Variants in MYCBP2 observed in about 807,000 individuals in gnomAD.
The protein encoded by MYCBP2 is MYC binding protein 2.
MYCBP2 carries 120 observed loss-of-function variants against 525.3 expected under a neutral mutation model. The observed-to-expected ratio is 0.23, with a 90% CI of 0.20 to 0.27. MYCBP2 has a LOEUF of 0.27. MYCBP2 is among the 10% of genes least tolerant of loss of function. MYCBP2 has a pLI of 1.00. For synonymous variants in MYCBP2, 1,894 were observed against 1,955.8 expected (o/e 0.97, Z 0.83); for missense variants, 4,149 against 5,657.1 (o/e 0.73, Z 8.55).
Position 77,326,935 on chromosome 13 carries a change from CCTT to C in MYCBP2, c.-163_-161del, listed in dbSNP as rs2082392670. ...AAGACAGCGACCTCCTTCTCCTCCTCCTTCTTCTCCTCCTCCCCCCCGCGCCGC... is the reference window on the plus strand; with the variant it reads ...AAGACAGCGACCTCCTTCTCCTCCTCCTTCTCCTCCTCCCCCCCGCGCCGC... On this transcript the variant is annotated 5_prime_UTR_variant, in exon 1 of 83. Transcript: ENST00000544440. This position sits in a 1 kb window ranked among gnomAD's most constrained non-coding sequence, Gnocchi z 4.2. 1 of 577,290 alleles carries C rather than the reference CCTT, an allele frequency of 1.7e-6. No homozygotes were observed. The allele number at this position is 577,290 out of a possible 1,614,324, so 35.8% of individuals were successfully genotyped here. A position where few individuals can be genotyped will look rare whatever the true frequency, so the allele number is the denominator to read the frequency against.
chr13:77,061,325 G>A (rs780220685), intron 75 of MYCBP2, 24 bp from the exon 76 acceptor site: 2 of 1,562,272 alleles, frequency 1.3e-6, no homozygotes, highest in East Asian at 2.3e-5. Context: ...AAAGAACAGG[G>A]AAAAATATGC....
At chr13:77,167,006 CACACACACACACACACACA>C (rs2058615275) in intron 40 of MYCBP2, among the ~76,000 whole-genome samples, 1 of 150,952 alleles carries the variant, frequency 6.6e-6, no homozygotes, top group African/African-American at 2.4e-5. Flanking sequence ...CACACACACA[CACACACACACACACACACA>C]CCAAATGAAA....
chr13:77,147,084 C>A (rs1216773447), intron 47 of MYCBP2, among the ~76,000 whole-genome samples: 2 of 152,040 alleles, frequency 1.3e-5, no homozygotes, highest in Admixed American at 6.6e-5. Flanking sequence ...TCAAAAACAA[C>A]ATTAAGCAAA....
chr13:77,249,899 C>G (rs1196350924), intron 15 of MYCBP2, among the ~76,000 whole-genome samples: 1 of 152,160 alleles, frequency 6.6e-6, no homozygotes. Flanking sequence ...GACTTTATTG[C>G]TTATACTAAT....
At chr13:77,261,827 A>T (rs1171840399) in intron 11 of MYCBP2, among the ~76,000 whole-genome samples, 1 of 152,126 alleles carries the variant, frequency 6.6e-6, no homozygotes, top group Non-Finnish European at 1.5e-5. Flanking sequence ...AATTTGTAAA[A>T]AGAGCAATTA....
At chr13:77,125,551 C>G (rs1485416611) in intron 53 of MYCBP2, 83 bp from the exon 54 acceptor site, 1 of 1,471,184 alleles carries the variant, frequency 6.8e-7, no homozygotes, top group African/African-American at 1.4e-5. Context: ...TCTTACGTGT[C>G]TGAATAGTGT....
At chr13:77,069,436 T>C (rs1278867338) in intron 69 of MYCBP2, among the ~76,000 whole-genome samples, 49 of 128,980 alleles carry the variant, frequency 3.8e-4, no homozygotes, top group African/African-American at 7.7e-4. Context: ...TCCTGGCTAA[T>C]ATGGTGAAAT....
At chr13:77,244,444 G>A (rs1382314454) in intron 15 of MYCBP2, among the ~76,000 whole-genome samples, 1 of 152,130 alleles carries the variant, frequency 6.6e-6, no homozygotes, top group Non-Finnish European at 1.5e-5. Context: ...AATGGTGCTG[G>A]GAAAACTGGC....
chr13:77,060,086 C>T, intron 76 of MYCBP2, among the ~76,000 whole-genome samples: 1 of 152,012 alleles, frequency 6.6e-6, no homozygotes, highest in East Asian at 1.9e-4. Flanking sequence ...GAATTCCTAC[C>T]TCAGGAACTC....
At chr13:77,260,375 A>C (rs575801044) in intron 13 of MYCBP2, 53 bp downstream of exon 13, 4 of 1,297,514 alleles carry the variant, frequency 3.1e-6, no homozygotes, top group Non-Finnish European at 4.2e-6. Flanking sequence ...TTTGTCATAC[A>C]TAACTAGTAT....
Position 77,055,587 on chromosome 13 carries a change from C to A in MYCBP2, c.13618G>T (p.Ala4540Ser), listed in dbSNP as rs2037792306. ...DPAGYAMNRYAYYVCYKCRKA... is the reference protein window; with the variant it reads ...DPAGYAMNRYSYYVCYKCRKA... The stretch of plus-strand genomic sequence containing the variant: ...CTGCATTTGTAGCACACATAATATG[C>A]ATATCTATTCATTGCATAGCCAGCT... The change falls in exon 80 of 83, where the codon GCA (alanine) becomes TCA (serine). Residue 4540 changes from alanine (A) to serine (S), a missense_variant. Physicochemically the swap from Ala to Ser is moderately conservative, Grantham distance 99 (BLOSUM62 1). Around this residue, in one of 21 missense-constraint regions of MYCBP2, gnomAD observed 4 missense variants for 23.0 expected, o/e 0.17. Transcript: ENST00000544440. The A allele has an allele frequency of 6.2e-7, 1 of 1,613,800 alleles. No homozygotes were observed. Among genetic ancestry groups the A allele is most frequent in the African/African-American group, 1.3e-5 (1 of 74,924 alleles).
In MYCBP2 at chr13:77,176,644, G is replaced by C. The variant is rs764774187; in HGVS notation, c.5341-16C>G. The C allele has an allele frequency of 6.9e-7, 1 of 1,454,102 alleles. No homozygotes were observed. Among genetic ancestry groups the C allele is most frequent in the Admixed American group, 2.1e-5 (1 of 48,462 alleles). 90.1% of individuals were successfully genotyped at this position (1,454,102 alleles called of 1,614,324 possible). On this transcript the variant is annotated splice_polypyrimidine_tract_variant and intron_variant, in intron 35 of 82. Transcript: ENST00000544440. ...CATGTTCACTCTAAAAAAAAAAAAT[G>C]AAACACAAAAATTCCAACAGACTCT...
At chr13:77,180,548 G>C (rs781320873) in intron 33 of MYCBP2, among the ~76,000 whole-genome samples, 139 of 152,090 alleles carry the variant, frequency 9.1e-4, no homozygotes, top group Non-Finnish European at 1.6e-3. Context: ...GTTTTTATTA[G>C]CTTTGAGTCC....
At chr13:77,161,857 T>C in intron 44 of MYCBP2, 49 bp downstream of exon 44, 5 of 1,438,300 alleles carry the variant, frequency 3.5e-6, no homozygotes, top group Non-Finnish European at 4.8e-6. Context: ...GTGACAATAC[T>C]TTTTAAATTA....
intron 1 of MYCBP2, among the ~76,000 whole-genome samples, chr13:77,312,627 T>C (rs2080401067): frequency 6.6e-6 from 1 of 151,354 alleles, no homozygotes; most frequent in African/African-American, 2.4e-5. Flanking sequence ...GCAACTAAAA[T>C]GAAATACTCC....
intron 1 of MYCBP2, among the ~76,000 whole-genome samples, chr13:77,313,547 G>C (rs1260773836): frequency 6.6e-6 from 1 of 151,834 alleles, no homozygotes; most frequent in East Asian, 1.9e-4. Flanking sequence ...AATAACACAG[G>C]AGAAAACCTA....
intron 4 of MYCBP2, among the ~76,000 whole-genome samples, chr13:77,276,338 C>A (rs1269334844): frequency 6.6e-6 from 1 of 150,432 alleles, no homozygotes; most frequent in Non-Finnish European, 1.5e-5. Flanking sequence ...ACGAAAACAA[C>A]CGAATGGGAA....
chr13:77,267,809 T>C, intron 8 of MYCBP2, 32 bp downstream of exon 8: 2 of 1,498,654 alleles, frequency 1.3e-6, no homozygotes, highest in Non-Finnish European at 9.3e-7. Flanking sequence ...TTAAAATTGC[T>C]TGTGGAGAAA....
intron 4 of MYCBP2, among the ~76,000 whole-genome samples, chr13:77,273,974 G>C (rs77947105): frequency 0.029 from 4,478 of 152,184 alleles, 155 homozygotes; most frequent in East Asian, 0.16. Flanking sequence ...TCAAGTAATA[G>C]ACTACTTGTC....
Sources: allele counts gnomAD v4.1 joint callset (sites outside exome capture counted in the v4.1 genomes callset), GRCh38; gene constraint gnomAD v4.1.1; regional missense constraint gnomAD v4.1.1; non-coding constraint Gnocchi (gnomAD v3.1); transcripts MANE v1.5; gene names NCBI Gene and HGNC (gene_info 2026-07-23, HGNC 2026-07-21).